The following PCDH11X variants were observed in gnomAD, a reference collection of about 807,000 sequenced individuals.
The protein encoded by PCDH11X is protocadherin 11 X-linked, also known as protocadherin-11 X-linked.
PCDH11X carries 18 observed loss-of-function variants against 53.3 expected under a neutral mutation model. That is an observed-to-expected ratio of 0.34 (90% CI 0.23 to 0.50). PCDH11X has a LOEUF of 0.50. Ranked by LOEUF, PCDH11X falls within the 20% of genes least tolerant of loss-of-function variation. PCDH11X has a pLI of 0.98. For missense variants in PCDH11X, 570 were observed against 1,032.4 expected (o/e 0.55, Z 6.14); for synonymous variants, 279 against 393.3 (o/e 0.71, Z 3.44).
At chrX:92,375,167 T>TATATATATATA (rs1491474868) in intron 8 of PCDH11X, among the ~76,000 whole-genome samples, 9 of 7,364 alleles carry the variant, frequency 1.2e-3, no homozygotes, top group East Asian at 7.5e-3. Flanking sequence ...TATATATATA[T>TATATATATATA]TTTTTTTTTT....
intron 10 of PCDH11X, among the ~76,000 whole-genome samples, chrX:92,508,746 T>A (rs924001888): frequency 9.6e-6 from 1 of 104,598 alleles, no homozygotes; most frequent in Non-Finnish European, 2.0e-5. Flanking sequence ...ATATAAAAAA[T>A]TTTGAAATAA....
chrX:92,473,660 G>C (rs1314407377), intron 10 of PCDH11X, among the ~76,000 whole-genome samples: 3 of 110,420 alleles, frequency 2.7e-5, no homozygotes, highest in Non-Finnish European at 5.7e-5. Flanking sequence ...ATTATAATTT[G>C]TTTCAAGAAT....
At chrX:92,522,898 C>T (rs997502146) in intron 10 of PCDH11X, among the ~76,000 whole-genome samples, 6 of 111,254 alleles carry the variant, frequency 5.4e-5, no homozygotes, top group African/African-American at 2.0e-4. Flanking sequence ...TAATGCTTCT[C>T]CCAGAACTTT....
At chrX:92,570,511 T>TG (rs1270263275) in intron 10 of PCDH11X, among the ~76,000 whole-genome samples, 1 of 108,132 alleles carries the variant, frequency 9.2e-6, no homozygotes, top group Non-Finnish European at 1.9e-5. Context: ...ATTACAAAAC[T>TG]GTAACTCTTC....
intron 6 of PCDH11X, among the ~76,000 whole-genome samples, chrX:92,034,774 C>T (rs977699317): frequency 4.7e-5 from 5 of 107,431 alleles, no homozygotes; most frequent in African/African-American, 1.7e-4. Context: ...AGACTTACTC[C>T]TTCCTTTTTG....
intron 9 of PCDH11X, among the ~76,000 whole-genome samples, chrX:92,443,614 A>T (rs1270409907): frequency 9.1e-6 from 1 of 109,596 alleles, no homozygotes; most frequent in Non-Finnish European, 1.9e-5. Context: ...CAATTTCCAG[A>T]ATGGTGTTTT....
chrX:92,301,734 C>CTTTTTTTTTTTTTTTTTTTTTTTTTTTT (rs1569459116), intron 8 of PCDH11X, among the ~76,000 whole-genome samples: 1 of 109,759 alleles, frequency 9.1e-6, no homozygotes, highest in African/African-American at 3.4e-5. Context: ...GCTTCCTTTT[C>CTTTTTTTTTTTTTTTTTTTTTTTTTTTT]TTGTGTTGTC....
intron 10 of PCDH11X, among the ~76,000 whole-genome samples, chrX:92,551,085 C>A (rs1354972780): frequency 9.0e-6 from 1 of 110,775 alleles, no homozygotes; most frequent in East Asian, 2.8e-4. Flanking sequence ...GATTTCCTTT[C>A]TTTTTGGTAT....
chrX:92,505,905 T>A (rs985122073), intron 10 of PCDH11X, among the ~76,000 whole-genome samples: 1 of 111,230 alleles, frequency 9.0e-6, no homozygotes, highest in Non-Finnish European at 1.9e-5. Flanking sequence ...TTCCTAGATA[T>A]TTCATTCTTT....
At chrX:92,248,747 G>C (rs1044925366) in intron 7 of PCDH11X, among the ~76,000 whole-genome samples, 20 of 111,485 alleles carry the variant, frequency 1.8e-4, no homozygotes, top group Non-Finnish European at 3.6e-4. Flanking sequence ...GCTGGAGTCA[G>C]TGGTGCGATC....
At chrX:92,508,094 C>T (rs1239373585) in intron 10 of PCDH11X, among the ~76,000 whole-genome samples, 4 of 111,322 alleles carry the variant, frequency 3.6e-5, no homozygotes, top group South Asian at 3.8e-4. Context: ...GGATTACAGG[C>T]GTGAGCCACC....
intron 6 of PCDH11X, among the ~76,000 whole-genome samples, chrX:91,972,028 A>G (rs2147909687): frequency 9.0e-6 from 1 of 111,287 alleles, no homozygotes; most frequent in African/African-American, 3.3e-5. Context: ...ATAACAACAT[A>G]CTTGAAAATT....
chrX:91,895,912 C>T (rs1452347930), intron 6 of PCDH11X, among the ~76,000 whole-genome samples: 5 of 102,305 alleles, frequency 4.9e-5, no homozygotes, highest in Non-Finnish European at 7.8e-5. Context: ...ATATTATATA[C>T]ATATACACGT....
chrX:92,186,061 G>A (rs1048208079), intron 6 of PCDH11X, among the ~76,000 whole-genome samples: 5 of 111,672 alleles, frequency 4.5e-5, no homozygotes, highest in Non-Finnish European at 9.4e-5. Flanking sequence ...TGAACCTCAT[G>A]TTTATTATAG....
At chrX:92,547,890 CTA>C (rs779390296) in intron 10 of PCDH11X, among the ~76,000 whole-genome samples, 1 of 108,876 alleles carries the variant, frequency 9.2e-6, no homozygotes, top group African/African-American at 3.3e-5. Flanking sequence ...GCCATCATGG[CTA>C]TATATATATA....
chrX:92,405,461 T>G (rs2071485230), intron 9 of PCDH11X, among the ~76,000 whole-genome samples: 1 of 105,909 alleles, frequency 9.4e-6, no homozygotes, highest in Admixed American at 1.0e-4. Flanking sequence ...AATAAGTGAT[T>G]TCTCTGGTTG....
chrX:92,191,480 A>G (rs2066191999), intron 6 of PCDH11X, among the ~76,000 whole-genome samples: 1 of 111,973 alleles, frequency 8.9e-6, no homozygotes, highest in South Asian at 3.7e-4. Flanking sequence ...CGTCATTATT[A>G]TGTAAGGGGT....
chrX:92,424,328 T>C (rs2072058417), intron 9 of PCDH11X, among the ~76,000 whole-genome samples: 2 of 95,955 alleles, frequency 2.1e-5, no homozygotes, highest in Admixed American at 1.1e-4. Flanking sequence ...CGGCAGTTGT[T>C]CTAGTATCTG....
At chrX:92,102,782 A>T (rs1468707410) in intron 6 of PCDH11X, among the ~76,000 whole-genome samples, 2 of 111,380 alleles carry the variant, frequency 1.8e-5, no homozygotes, top group African/African-American at 6.6e-5. Flanking sequence ...ATAGGAGAGT[A>T]TATGGGTTTG....
Sources: gnomAD v4.1 joint callset for allele counts (sites outside exome capture counted in the v4.1 genomes callset) on GRCh38, gnomAD v4.1.1 for gene constraint, MANE v1.5 for transcripts, NCBI Gene and HGNC (gene_info 2026-07-23, HGNC 2026-07-21) for gene names.